PTPRD: variants seen among roughly 807,000 people sequenced by gnomAD.
The protein encoded by PTPRD is receptor-type tyrosine-protein phosphatase delta.
PTPRD carries 34 observed loss-of-function variants against 214.5 expected under a neutral mutation model. The ratio of observed to expected loss-of-function variants is 0.16; its 90% CI spans 0.12 to 0.21. PTPRD has a LOEUF of 0.21. Ranked by LOEUF, PTPRD falls within the 10% of genes least tolerant of loss-of-function variation. The pLI is 1.00. For missense variants in PTPRD, 2,545 were observed against 2,398.7 expected (o/e 1.06, Z -1.27); for synonymous variants, 1,128 against 845.7 (o/e 1.33, Z -5.79).
chr9:10,311,929 T>A (rs1393669365), intron 3 of PTPRD, among the ~76,000 whole-genome samples: 1 of 151,338 alleles, frequency 6.6e-6, no homozygotes, highest in Non-Finnish European at 1.5e-5. Context: ...TATTTACCAC[T>A]TTTTTTTTCT....
chr9:8,647,153 A>T (rs1330227961), intron 12 of PTPRD, among the ~76,000 whole-genome samples: 2 of 152,244 alleles, frequency 1.3e-5, no homozygotes, highest in East Asian at 3.8e-4. Flanking sequence ...TAGATGAAGC[A>T]TAATATAACG....
At chr9:9,959,466 C>G in intron 4 of PTPRD, among the ~76,000 whole-genome samples, 1 of 152,062 alleles carries the variant, frequency 6.6e-6, no homozygotes, top group Non-Finnish European at 1.5e-5. Flanking sequence ...TGGAATTTTA[C>G]AGCACAGAGT....
At chr9:9,924,159 T>C (rs933149362) in intron 5 of PTPRD, among the ~76,000 whole-genome samples, 7 of 151,904 alleles carry the variant, frequency 4.6e-5, no homozygotes, top group Admixed American at 3.3e-4. Context: ...ATTGAGAGAA[T>C]AGTGGGAAAA....
intron 3 of PTPRD, among the ~76,000 whole-genome samples, chr9:10,245,002 C>A (rs979031196): frequency 2.0e-5 from 3 of 151,980 alleles, no homozygotes; most frequent in Admixed American, 6.6e-5. Context: ...AAAAATGAAA[C>A]AATAATGAAA....
Position 8,530,132 on chromosome 9 carries a change from G to T in PTPRD, c.353-1353C>A, listed in dbSNP as rs554724834. 2.0e-5 allele frequency among the ~76,000 whole-genome samples: 3 copies of T among 152,110 alleles called. No homozygotes were observed. The South Asian group carries it at 6.2e-4, about 32-fold the overall frequency. ...ACAGTTGATGGTGAATCATACTGAG[G>T]TTATGTTAGAATTTCTAATGAAGAA... On this transcript the variant is annotated intron_variant, in intron 14 of 45. Coordinates refer to ENST00000381196, the MANE Select transcript of PTPRD (RefSeq NM_002839.4).
intron 12 of PTPRD, among the ~76,000 whole-genome samples, chr9:8,698,814 T>A (rs2097996282): frequency 6.6e-6 from 1 of 152,230 alleles, no homozygotes; most frequent in Non-Finnish European, 1.5e-5. Context: ...ATAGCAATCC[T>A]ATCCTTTGTT....
At chr9:9,720,144 C>G (rs2097910948) in intron 7 of PTPRD, among the ~76,000 whole-genome samples, 3 of 152,114 alleles carry the variant, frequency 2.0e-5, no homozygotes, top group South Asian at 2.1e-4. Context: ...TTCCAGCTGG[C>G]AAAGTGACAT....
chr9:9,397,432 G>A lies in PTPRD; in HGVS notation c.-203+17C>T, dbSNP rs146643446. 7 of 152,418 alleles carry A rather than the reference G, an allele frequency of 4.6e-5. No homozygotes were observed. Among genetic ancestry groups the A allele is most frequent in the African/African-American group, 1.7e-4 (7 of 41,514 alleles). The allele number at this position is 152,418 out of a possible 1,614,324, so 9.4% of individuals were successfully genotyped here. A position where few individuals can be genotyped will look rare whatever the true frequency, so the allele number is the denominator to read the frequency against. On this transcript the variant is annotated intron_variant, in intron 9 of 45. Coordinates refer to ENST00000381196, the MANE Select transcript of PTPRD (RefSeq NM_002839.4). ...AAAGTATTCCGTGCAGACATAAGAT[G>A]AGCAAAATAAACTTACCACAGTTGT...
Position 9,073,500 on chromosome 9 carries a change from G to C in PTPRD, c.-142-54765C>G, listed in dbSNP as rs183029845. ...CAGTTGCGATTAACATTTACCACCA[G>C]TTAAGTAAAGCAGACAATCCTCCAT... On this transcript the variant is annotated intron_variant, in intron 10 of 45. Coordinates refer to ENST00000381196, the MANE Select transcript of PTPRD (RefSeq NM_002839.4). Among the ~76,000 whole-genome samples, 15 of 152,272 alleles carry C rather than the reference G, an allele frequency of 9.9e-5. No individual in the cohort carries two copies. The East Asian group carries it at 1.7e-3, about 18-fold the overall frequency.
At chr9:10,061,256 C>G (rs1046337975) in intron 3 of PTPRD, among the ~76,000 whole-genome samples, 1 of 151,706 alleles carries the variant, frequency 6.6e-6, no homozygotes. Context: ...TATCCTGCAA[C>G]AGGAAAGGAG....
chr9:10,542,659 C>T (rs1295342916), intron 2 of PTPRD, among the ~76,000 whole-genome samples: 1 of 152,028 alleles, frequency 6.6e-6, no homozygotes, highest in Non-Finnish European at 1.5e-5. Flanking sequence ...CATATATTCA[C>T]AGTGAAATAT....
At chr9:10,206,134 T>G (rs772417862) in intron 3 of PTPRD, among the ~76,000 whole-genome samples, 2 of 149,610 alleles carry the variant, frequency 1.3e-5, no homozygotes, top group African/African-American at 2.5e-5. Context: ...ATTAGGAGTT[T>G]GCAAGTAGAT....
intron 2 of PTPRD, among the ~76,000 whole-genome samples, chr9:10,421,701 A>G (rs2154516141): frequency 6.6e-6 from 1 of 152,024 alleles, no homozygotes; most frequent in African/African-American, 2.4e-5. Context: ...CATTCTACCT[A>G]TCAATATCAG....
At chr9:8,342,895 G>T (rs1250783324) in intron 39 of PTPRD, among the ~76,000 whole-genome samples, 1 of 152,252 alleles carries the variant, frequency 6.6e-6, no homozygotes, top group African/African-American at 2.4e-5. Context: ...TGTGGCATTT[G>T]AAGTAGGACT....
chr9:10,094,590 C>T (rs547660434), intron 3 of PTPRD, among the ~76,000 whole-genome samples: 7 of 144,896 alleles, frequency 4.8e-5, no homozygotes, highest in Non-Finnish European at 9.0e-5. Context: ...CAGAGAAACC[C>T]GTTATCTTAT....
chr9:8,536,103 T>C (rs1294679740), intron 14 of PTPRD, among the ~76,000 whole-genome samples: 2 of 151,982 alleles, frequency 1.3e-5, no homozygotes, highest in African/African-American at 4.8e-5. Flanking sequence ...AATATTGTTA[T>C]TTGTTTCATA....
chr9:8,481,087 C>T (rs1000362461), intron 30 of PTPRD, among the ~76,000 whole-genome samples: 2 of 129,966 alleles, frequency 1.5e-5, no homozygotes, highest in Non-Finnish European at 3.0e-5. Flanking sequence ...TTGCAGTGAG[C>T]AGAGATGGCG....
chr9:8,424,815 G>A (rs2094559392), intron 35 of PTPRD, among the ~76,000 whole-genome samples: 1 of 152,092 alleles, frequency 6.6e-6, no homozygotes, highest in Non-Finnish European at 1.5e-5. Flanking sequence ...GAGGACTGAT[G>A]AGTGCCTGCT....
chr9:9,651,833 T>G (rs1001304953), intron 7 of PTPRD, among the ~76,000 whole-genome samples: 5 of 129,016 alleles, frequency 3.9e-5, no homozygotes, highest in Admixed American at 7.5e-5. Context: ...TTTGTTTTTT[T>G]TTTTTTTTTT....
Sources: gnomAD v4.1 joint callset for allele counts (sites outside exome capture counted in the v4.1 genomes callset) on GRCh38, gnomAD v4.1.1 for gene constraint, MANE v1.5 for transcripts, NCBI Gene and HGNC (gene_info 2026-07-23, HGNC 2026-07-21) for gene names.